NEK10: variants seen among roughly 807,000 people sequenced by gnomAD.
NEK10 encodes NIMA related kinase 10.
In NEK10, 122 loss-of-function variants were observed where a neutral mutation model predicts 159.8. That is an observed-to-expected ratio of 0.76 (90% CI 0.66 to 0.89). The LOEUF is 0.89. Ranked by LOEUF, NEK10 falls within the 40% of genes least tolerant of loss-of-function variation. NEK10 has a pLI of 0.00. For synonymous variants in NEK10, 466 were observed against 457.1 expected, an observed-to-expected ratio of 1.02 and a Z score of -0.25; for missense variants, 1,342 against 1,323.1, an observed-to-expected ratio of 1.01 and a Z score of -0.22.
chr3:27,336,146 A>C (rs1353016175), intron 5 of NEK10, among the ~76,000 whole-genome samples: 1 of 152,144 alleles, frequency 6.6e-6, no homozygotes, highest in African/African-American at 2.4e-5. Context: ...CCAGACCAAA[A>C]TCAGAAATGG....
chr3:27,315,828 T>C (rs2045114994), intron 6 of NEK10, among the ~76,000 whole-genome samples: 1 of 152,186 alleles, frequency 6.6e-6, no homozygotes, highest in African/African-American at 2.4e-5. Context: ...AGACACCTCA[T>C]TCCTGCTGAG....
chr3:27,300,920 G>C (rs983549202), intron 13 of NEK10, among the ~76,000 whole-genome samples: 2 of 152,118 alleles, frequency 1.3e-5, no homozygotes, highest in African/African-American at 4.8e-5. Flanking sequence ...GTATTCTTCA[G>C]GAGAAAATAG....
At chr3:27,199,426 A>G (rs575815454) in intron 25 of NEK10, among the ~76,000 whole-genome samples, 1 of 152,234 alleles carries the variant, frequency 6.6e-6, no homozygotes, top group South Asian at 2.1e-4. Flanking sequence ...TATACCAGTC[A>G]GAATGGCTAT....
intron 1 of NEK10, among the ~76,000 whole-genome samples, chr3:27,354,348 T>G (rs2048179900): frequency 6.6e-6 from 1 of 152,204 alleles, no homozygotes; most frequent in African/African-American, 2.4e-5. Context: ...CAGGAAATAA[T>G]GATCTAATCG....
chr3:27,227,507 A>G (rs1952757711), intron 23 of NEK10, among the ~76,000 whole-genome samples: 1 of 152,176 alleles, frequency 6.6e-6, no homozygotes, highest in Non-Finnish European at 1.5e-5. Flanking sequence ...CTCCTCAGAC[A>G]TCGGGCACAT....
At chr3:27,355,291 GGTT>G (rs1465259302) in intron 1 of NEK10, among the ~76,000 whole-genome samples, 1 of 151,982 alleles carries the variant, frequency 6.6e-6, no homozygotes, top group Non-Finnish European at 1.5e-5. Flanking sequence ...GCAGTCCCAT[GGTT>G]TTACATACCA....
intron 4 of NEK10, among the ~76,000 whole-genome samples, 185 bp from the exon 5 acceptor site, chr3:27,344,555 G>A (rs1452938400): frequency 6.6e-6 from 1 of 152,180 alleles, no homozygotes; most frequent in Non-Finnish European, 1.5e-5. Context: ...GCAACTATCA[G>A]CTGTTAAAAT....
intron 31 of NEK10, among the ~76,000 whole-genome samples, chr3:27,136,408 G>A (rs568598474): frequency 6.6e-5 from 10 of 152,024 alleles, no homozygotes; most frequent in East Asian, 1.9e-4. Context: ...CACCGCGCCC[G>A]GCCCCAATGT....
At chr3:27,124,147 G>C (rs1480878165) in intron 32 of NEK10, among the ~76,000 whole-genome samples, 1 of 152,122 alleles carries the variant, frequency 6.6e-6, no homozygotes, top group South Asian at 2.1e-4. Flanking sequence ...GCTCCTACAA[G>C]TAAGGGGGGC....
At chr3:27,291,118 T>C in intron 18 of NEK10, 144 bp downstream of exon 18, 1 of 877,010 alleles carries the variant, frequency 1.1e-6, no homozygotes, top group Non-Finnish European at 1.7e-6. Flanking sequence ...GCTATCTCTG[T>C]TGGACAAAAA....
chr3:27,312,700 A>T (rs1187017316), intron 7 of NEK10, among the ~76,000 whole-genome samples: 1 of 152,196 alleles, frequency 6.6e-6, no homozygotes, highest in Non-Finnish European at 1.5e-5. Context: ...TTATAATAAG[A>T]AACAGGCTCA....
At chr3:27,285,652 C>T (rs480646) in intron 20 of NEK10, among the ~76,000 whole-genome samples, 60,766 of 152,048 alleles carry the variant, frequency 0.4, 15,813 homozygotes, top group African/African-American at 0.75. Flanking sequence ...AACAAAGGAG[C>T]AAATTCTACT....
intron 25 of NEK10, among the ~76,000 whole-genome samples, chr3:27,192,534 G>A (rs1949208434): frequency 1.3e-5 from 2 of 151,504 alleles, no homozygotes; most frequent in African/African-American, 4.9e-5. Flanking sequence ...GGGCAGATGG[G>A]ACCATCTTCT....
intron 23 of NEK10, among the ~76,000 whole-genome samples, chr3:27,222,739 T>G (rs1446865956): frequency 2.0e-5 from 3 of 147,730 alleles, no homozygotes; most frequent in Admixed American, 6.8e-5. Context: ...GCTTAAAAAT[T>G]GAACCAGTAT....
intron 28 of NEK10, 128 bp from the exon 29 acceptor site, chr3:27,172,001 T>C (rs904098478): frequency 1.0e-6 from 1 of 1,000,354 alleles, no homozygotes; most frequent in African/African-American, 1.6e-5. Flanking sequence ...ACTCATACAC[T>C]GTTGGTGGGA....
chr3:27,147,467 G>A (rs1175743170), intron 30 of NEK10, among the ~76,000 whole-genome samples: 1 of 152,216 alleles, frequency 6.6e-6, no homozygotes, highest in Non-Finnish European at 1.5e-5. Flanking sequence ...AGAATGGCAG[G>A]AAGCTGAGTC....
intron 22 of NEK10, among the ~76,000 whole-genome samples, chr3:27,275,136 T>C (rs573675937): frequency 6.6e-6 from 1 of 152,286 alleles, no homozygotes; most frequent in South Asian, 2.1e-4. Flanking sequence ...CAGTTCACTG[T>C]CTCATCAGAA....
At position 27,111,106 on chromosome 3, in the gene NEK10, T is replaced by A; in HGVS notation, c.*166A>T. On this transcript the variant is annotated 3_prime_UTR_variant, in exon 36 of 36. Transcript: ENST00000691995. ...GCCCTCAAGTACCGCAGCTGTCATA[T>A]ACTCCAGCACAGGACCCCCAGAAAG... The A allele has an allele frequency of 1.9e-6, 1 of 521,918 alleles. No individual in the cohort carries two copies. The highest frequency in any genetic ancestry group is 3.2e-5 in the East Asian group (1 of 30,820). The allele number at this position is 521,918 out of a possible 1,614,324, so 32.3% of individuals were successfully genotyped here.
intron 22 of NEK10, among the ~76,000 whole-genome samples, chr3:27,267,856 C>T (rs2041032775): frequency 6.6e-6 from 1 of 152,152 alleles, no homozygotes; most frequent in South Asian, 2.1e-4. Flanking sequence ...AAGGCATGTC[C>T]AAAGCTGAGA....
Sources: allele counts gnomAD v4.1 joint callset (sites outside exome capture counted in the v4.1 genomes callset), GRCh38; gene constraint gnomAD v4.1.1; transcripts MANE v1.5; gene names NCBI Gene and HGNC (gene_info 2026-07-23, HGNC 2026-07-21).